EVL: variants seen among roughly 807,000 people sequenced by gnomAD.
EVL encodes ena/VASP-like protein.
In EVL, 21 loss-of-function variants were observed where a neutral mutation model predicts 59.6. That is an observed-to-expected ratio of 0.35 (90% CI 0.25 to 0.51). The LOEUF (loss-of-function observed/expected upper bound fraction) is 0.51. Among genes scored for constraint, EVL ranks in the 20% least tolerant of loss-of-function variants. EVL has a pLI of 0.97. For missense variants in EVL, 462 were observed against 546.6 expected (o/e 0.85, Z 1.54); for synonymous variants, 198 against 203.5 (o/e 0.97, Z 0.23).
chr14:99,971,850 C>A (rs1489073894), exon 1 of EVL: 1 of 147,296 alleles, frequency 6.8e-6, no homozygotes, highest in Non-Finnish European at 1.5e-5. Context: ...CAGTCGCCGC[C>A]GCCGCGGCCC....
At chr14:100,104,550 G>A (rs1001318863) in intron 3 of EVL, among the ~76,000 whole-genome samples, 1 of 152,252 alleles carries the variant, frequency 6.6e-6, no homozygotes, top group African/African-American at 2.4e-5. Flanking sequence ...TAGTGTGAGG[G>A]CCCCAGGGCA....
In EVL at chr14:100,143,787, G is replaced by A; in HGVS notation, c.*49G>A. The A allele has an allele frequency of 6.3e-7, 1 of 1,597,438 alleles. No homozygotes were observed. Among genetic ancestry groups the A allele is most frequent in the Non-Finnish European group, 8.5e-7 (1 of 1,172,116 alleles). Reference sequence around the variant, plus strand: ...TCGTCGAGCCCATCCGGCGACAGAGGACAGCCAGAAGCCCAGCCAGCCCCA... The same window carrying A: ...TCGTCGAGCCCATCCGGCGACAGAGAACAGCCAGAAGCCCAGCCAGCCCCA... On this transcript the variant is annotated 3_prime_UTR_variant, in exon 14 of 14. Transcript: ENST00000392920.
intron 1 of EVL, among the ~76,000 whole-genome samples, chr14:100,084,305 A>G (rs1325247924): frequency 1.3e-5 from 2 of 152,128 alleles, no homozygotes; most frequent in Non-Finnish European, 2.9e-5. Context: ...TCAGCCTCCC[A>G]AAGTGTTGAG....
intron 1 of EVL, among the ~76,000 whole-genome samples, chr14:100,052,550 A>C (rs1339717064): frequency 6.6e-6 from 1 of 152,074 alleles, no homozygotes; most frequent in Non-Finnish European, 1.5e-5. Context: ...CCAGGAGGTC[A>C]AGACCAGCCT....
Position 100,006,023 on chromosome 14 carries a change from C to CG in EVL, c.5+33966_5+33967insG, listed in dbSNP as rs1491188274. Among the ~76,000 whole-genome samples the CG allele has an allele frequency of 5.7e-4, 62 of 107,990 alleles. 1 individual carries two copies. Among genetic ancestry groups the CG allele is most frequent in the African/African-American group, 1.9e-3 (59 of 31,382 alleles). The allele number at this position is 107,990 out of a possible 152,430, so 70.8% of individuals were successfully genotyped here. A position where few individuals can be genotyped will look rare whatever the true frequency, so the allele number is the denominator to read the frequency against. On this transcript the variant is annotated intron_variant, in intron 1 of 13. Transcript: ENST00000402714. The stretch of plus-strand genomic sequence containing the variant: ...TGCTGGCCATTTCCCCCCCCCCCCC[C>CG]ACACCGACAACACTTTTGTGTGTGT...
At chr14:100,028,122 T>G (rs1342394475) in intron 1 of EVL, among the ~76,000 whole-genome samples, 2 of 135,288 alleles carry the variant, frequency 1.5e-5, no homozygotes, top group African/African-American at 6.0e-5. Context: ...TTAGTTGTTT[T>G]TTTGTTTGTT....
intron 1 of EVL, among the ~76,000 whole-genome samples, chr14:100,011,801 T>C (rs2140193192): frequency 6.6e-6 from 1 of 152,340 alleles, no homozygotes; most frequent in African/African-American, 2.4e-5. Context: ...AATTCCTGCC[T>C]TATCAAGATC....
At chr14:99,990,066 A>T (rs577595319) in intron 1 of EVL, among the ~76,000 whole-genome samples, 1 of 152,322 alleles carries the variant, frequency 6.6e-6, no homozygotes, top group South Asian at 2.1e-4. Context: ...TCTAGGTTAA[A>T]CACTTTGCTT....
intron 1 of EVL, among the ~76,000 whole-genome samples, chr14:100,069,705 T>C (rs550066512): frequency 6.6e-6 from 1 of 152,228 alleles, no homozygotes; most frequent in Non-Finnish European, 1.5e-5. Flanking sequence ...TCTAGGTTAT[T>C]CTCATGAGAA....
intron 1 of EVL, among the ~76,000 whole-genome samples, chr14:100,023,224 G>A (rs2061156029): frequency 7.2e-6 from 1 of 138,466 alleles, no homozygotes; most frequent in African/African-American, 2.9e-5. Flanking sequence ...TTTTTTTTTG[G>A]AACACAGTCT....
intron 1 of EVL, among the ~76,000 whole-genome samples, chr14:100,055,954 G>A (rs1423896718): frequency 6.6e-6 from 1 of 152,070 alleles, no homozygotes; most frequent in African/African-American, 2.4e-5. Context: ...TGGGATTACA[G>A]GTGCATGCCA....
At chr14:100,134,531 T>TAAAG (rs568191148) in intron 8 of EVL, 1 of 152,326 alleles carries the variant, frequency 6.6e-6, no homozygotes, top group East Asian at 1.9e-4. Context: ...GACTAGCGTC[T>TAAAG]AAAGAGAGCA....
intron 4 of EVL, among the ~76,000 whole-genome samples, chr14:100,125,501 A>G (rs1888015720): frequency 6.6e-6 from 1 of 151,742 alleles, no homozygotes; most frequent in Non-Finnish European, 1.5e-5. Flanking sequence ...CAGAGACACT[A>G]ATGTAGATGC....
chr14:100,134,476 G>A (rs1435014333), intron 8 of EVL, among the ~76,000 whole-genome samples: 3 of 152,122 alleles, frequency 2.0e-5, no homozygotes, highest in Non-Finnish European at 4.4e-5. Context: ...ACAGGCCCCT[G>A]GCTACAGCTG....
intron 3 of EVL, among the ~76,000 whole-genome samples, chr14:100,112,342 TCTGA>T (rs1319968852): frequency 1.3e-5 from 2 of 152,202 alleles, no homozygotes; most frequent in Non-Finnish European, 2.9e-5. Flanking sequence ...GCAGCCACTG[TCTGA>T]CTGGCTTGCT....
chr14:100,066,773 T>C lies in EVL; in HGVS notation c.11+1262T>C, dbSNP rs2061938480. On this transcript the variant is annotated intron_variant, in intron 1 of 13. Transcript: ENST00000392920. ...CAAAAGTAAATGAGGCACAGCAATT[T>C]CTTTTTCAATTTTAAAATCGTAGAA... Among the ~76,000 whole-genome samples, 3 of 152,360 alleles carry C rather than the reference T, an allele frequency of 2.0e-5. No individual in the cohort carries two copies. In the South Asian group the frequency reaches 6.2e-4, roughly 32 times the overall value.
chr14:100,006,311 G>C (rs964666418), intron 1 of EVL, among the ~76,000 whole-genome samples: 2 of 144,072 alleles, frequency 1.4e-5, no homozygotes, highest in African/African-American at 5.2e-5. Flanking sequence ...TTGAGACAGA[G>C]TTTCGTTCTG....
At chr14:99,986,198 A>G (rs1016052429) in intron 1 of EVL, among the ~76,000 whole-genome samples, 3 of 150,356 alleles carry the variant, frequency 2.0e-5, no homozygotes, top group African/African-American at 7.4e-5. Flanking sequence ...AGGGTGAGGC[A>G]TGAGAATCGC....
In EVL at chr14:100,092,731, A is replaced by G. The variant is rs1413223826; in HGVS notation, c.181-4750A>G. ...GCCTGGGTGACAGGAGCGAAACTCC[A>G]TCTCAAAAAAACAAACAAACAAACA... On this transcript the variant is annotated intron_variant, in intron 2 of 13. Coordinates refer to ENST00000392920, the MANE Select transcript of EVL (RefSeq NM_016337.3). 2.0e-5 allele frequency among the ~76,000 whole-genome samples: 3 copies of G among 152,176 alleles called. No individual in the cohort carries two copies. In the South Asian group the frequency reaches 6.2e-4, roughly 32 times the overall value.
Sources: allele counts gnomAD v4.1 joint callset (sites outside exome capture counted in the v4.1 genomes callset), GRCh38; gene constraint gnomAD v4.1.1; transcripts MANE v1.5; gene names NCBI Gene and HGNC (gene_info 2026-07-23, HGNC 2026-07-21).